Variants in CTDSPL2 observed in about 807,000 individuals in gnomAD.
CTDSPL2 encodes CTD small phosphatase like 2.
Under a neutral mutation model 60.0 loss-of-function variants are expected in CTDSPL2, and 5 were observed. The observed-to-expected ratio is 0.08, with a 90% CI of 0.04 to 0.18. The LOEUF (loss-of-function observed/expected upper bound fraction) is 0.18. Ranked by LOEUF, CTDSPL2 falls within the 10% of genes least tolerant of loss-of-function variation. The probability of loss-of-function intolerance (pLI) is 1.00; values close to 1 mark genes in which losing one functional copy is unlikely to be tolerated. For synonymous variants in CTDSPL2, 186 were observed against 189.3 expected (o/e 0.98, Z 0.14); for missense variants, 370 against 548.8 (o/e 0.67, Z 3.26).
At chr15:44,445,135 C>T (rs750875287) in intron 1 of CTDSPL2, among the ~76,000 whole-genome samples, 9 of 149,518 alleles carry the variant, frequency 6.0e-5, no homozygotes, top group Middle Eastern at 3.8e-3. Flanking sequence ...TGAGCCACCC[C>T]GCCCGGCTGT....
At chr15:44,511,639 C>T (rs1473624594) in intron 8 of CTDSPL2, among the ~76,000 whole-genome samples, 2 of 151,938 alleles carry the variant, frequency 1.3e-5, no homozygotes, top group East Asian at 1.9e-4. Context: ...GAGGCCGAGG[C>T]GGGGAGATCA....
intron 8 of CTDSPL2, among the ~76,000 whole-genome samples, chr15:44,506,884 A>T (rs2081476839): frequency 6.6e-6 from 1 of 151,712 alleles, no homozygotes; most frequent in Non-Finnish European, 1.5e-5. Context: ...CTCCTGCCTC[A>T]GCCTCCCGAG....
At chr15:44,462,924 T>TGAACTCCTGGCCTC (rs1393226512) in intron 2 of CTDSPL2, among the ~76,000 whole-genome samples, 1 of 151,884 alleles carries the variant, frequency 6.6e-6, no homozygotes, top group African/African-American at 2.4e-5. Context: ...AGGCTGGTCT[T>TGAACTCCTGGCCTC]GAACTCCTGG....
intron 1 of CTDSPL2, chr15:44,449,048 T>G (rs974535464): frequency 6.2e-6 from 2 of 322,126 alleles, no homozygotes; most frequent in Non-Finnish European, 1.2e-5. Flanking sequence ...AATCCTGATT[T>G]GCTACAAATA....
chr15:44,441,190 C>T (rs2080077680), intron 1 of CTDSPL2, among the ~76,000 whole-genome samples: 1 of 152,126 alleles, frequency 6.6e-6, no homozygotes, highest in Non-Finnish European at 1.5e-5. Flanking sequence ...GACCCTGGGT[C>T]CAACACTGTT....
chr15:44,471,131 A>G (rs924764452), intron 2 of CTDSPL2, among the ~76,000 whole-genome samples: 6 of 152,150 alleles, frequency 3.9e-5, no homozygotes, highest in Non-Finnish European at 5.9e-5. Context: ...CACACACACA[A>G]CATACATTTT....
intron 8 of CTDSPL2, among the ~76,000 whole-genome samples, chr15:44,505,822 G>C (rs1004821110): frequency 6.6e-6 from 1 of 151,658 alleles, no homozygotes; most frequent in Non-Finnish European, 1.5e-5. Flanking sequence ...TGTGACAGTT[G>C]ATTACATTAA....
rs967060987 is a variant in CTDSPL2, at chr15:44,528,699, T to C, written c.*4525T>C. 2 of 152,118 alleles carry C rather than the reference T, an allele frequency of 1.3e-5. No homozygotes were observed. The highest frequency in any genetic ancestry group is 2.9e-5 in the Non-Finnish European group (2 of 68,006). The allele number at this position is 152,118 out of a possible 1,614,324, so 9.4% of individuals were successfully genotyped here. Reference sequence around the variant, plus strand: ...AGGACATGTCCCTGAATGAGACCATTATATATATTATCTGTAAAATATTTC... The same window carrying C: ...AGGACATGTCCCTGAATGAGACCATCATATATATTATCTGTAAAATATTTC... On this transcript the variant is annotated 3_prime_UTR_variant, in exon 13 of 13. Transcript: ENST00000260327.
At chr15:44,512,220 A>T (rs2081579731) in intron 8 of CTDSPL2, among the ~76,000 whole-genome samples, 1 of 152,124 alleles carries the variant, frequency 6.6e-6, no homozygotes, top group African/African-American at 2.4e-5. Flanking sequence ...AAACAGCCTG[A>T]AACTTTTTGA....
rs769265068 is a variant in CTDSPL2, at chr15:44,526,599, G to A, written c.*2425G>A. 2 of 152,016 alleles carry A rather than the reference G, an allele frequency of 1.3e-5. No individual in the cohort carries two copies. Among genetic ancestry groups the A allele is most frequent in the African/African-American group, 4.8e-5 (2 of 41,374 alleles). The allele number at this position is 152,016 out of a possible 1,614,324, so 9.4% of individuals were successfully genotyped here. A position where few individuals can be genotyped will look rare whatever the true frequency, so the allele number is the denominator to read the frequency against. On this transcript the variant is annotated 3_prime_UTR_variant, in exon 13 of 13. Coordinates refer to ENST00000260327, the MANE Select transcript of CTDSPL2 (RefSeq NM_016396.3). ...TATTTTTCTTTGTTATTTTATTTGA[G>A]TCATTTTAAATTTGTTAATACAAAA... is the stretch of plus-strand genomic sequence containing the variant.
At chr15:44,455,843 T>G (rs1429281521) in intron 1 of CTDSPL2, among the ~76,000 whole-genome samples, 1 of 110,882 alleles carries the variant, frequency 9.0e-6, no homozygotes, top group Non-Finnish European at 1.8e-5. Flanking sequence ...TTGAGGATTT[T>G]TTTTTTTTTT....
At chr15:44,478,711 G>C (rs1014854674) in intron 2 of CTDSPL2, among the ~76,000 whole-genome samples, 4 of 151,962 alleles carry the variant, frequency 2.6e-5, no homozygotes, top group Non-Finnish European at 5.9e-5. Flanking sequence ...CTGGGGCTTG[G>C]TGGCTCAGGC....
At chr15:44,503,875 T>A (rs1010828053) in intron 8 of CTDSPL2, 1 of 152,178 alleles carries the variant, frequency 6.6e-6, no homozygotes, top group African/African-American at 2.4e-5. Flanking sequence ...ACAGATAGGA[T>A]CCCTGTAGGG....
intron 3 of CTDSPL2, 141 bp from the exon 4 acceptor site, chr15:44,486,410 G>T: frequency 1.7e-6 from 1 of 573,552 alleles, no homozygotes; most frequent in Non-Finnish European, 2.9e-6. Context: ...TCTTTAATAA[G>T]CTTTCCTGAA....
rs774482979 is a variant in CTDSPL2, at chr15:44,524,187, G to T, written c.*13G>T. 7 of 1,601,684 alleles carry T rather than the reference G, an allele frequency of 4.4e-6. No homozygotes were observed. The highest frequency in any genetic ancestry group is 6.0e-6 in the Non-Finnish European group (7 of 1,168,858). ...GCCCCCAGATTAAGTACAAAGACTTGTCAAATCACTGAAGGGGGAGAGAAT... is the reference window on the plus strand; with the variant it reads ...GCCCCCAGATTAAGTACAAAGACTTTTCAAATCACTGAAGGGGGAGAGAAT... On this transcript the variant is annotated 3_prime_UTR_variant, in exon 13 of 13. Transcript: ENST00000260327.
chr15:44,483,879 T>A (rs1285519919), intron 2 of CTDSPL2, among the ~76,000 whole-genome samples: 1 of 152,188 alleles, frequency 6.6e-6, no homozygotes, highest in Non-Finnish European at 1.5e-5. Context: ...AAGGAAATTA[T>A]CTCTGTTCTT....
chr15:44,495,295 A>G (rs1047407163), intron 5 of CTDSPL2, among the ~76,000 whole-genome samples: 7 of 150,214 alleles, frequency 4.7e-5, no homozygotes, highest in Non-Finnish European at 8.9e-5. Flanking sequence ...TTAAGATTAT[A>G]GTCGTGGCCG....
chr15:44,494,825 A>T (rs555192574), intron 5 of CTDSPL2, among the ~76,000 whole-genome samples: 5 of 150,274 alleles, frequency 3.3e-5, no homozygotes, highest in Non-Finnish European at 5.9e-5. Context: ...CTGAGGCAGG[A>T]GATTTGCTTG....
intron 1 of CTDSPL2, among the ~76,000 whole-genome samples, chr15:44,439,515 G>A (rs1460551184): frequency 6.7e-6 from 1 of 149,898 alleles, no homozygotes; most frequent in Non-Finnish European, 1.5e-5. Flanking sequence ...ACCTGAGACC[G>A]AAAGTCTCTG....
Sources: allele counts gnomAD v4.1 joint callset (sites outside exome capture counted in the v4.1 genomes callset), GRCh38; gene constraint gnomAD v4.1.1; transcripts MANE v1.5; gene names NCBI Gene and HGNC (gene_info 2026-07-23, HGNC 2026-07-21).